The following DNAJC5 variants were observed in gnomAD, a reference collection of about 807,000 sequenced individuals.
DNAJC5 encodes the protein DnaJ heat shock protein family (Hsp40) member C5, also known as dnaJ homolog subfamily C member 5.
Under a neutral mutation model 23.2 loss-of-function variants are expected in DNAJC5, and 1 was observed. The ratio of observed to expected loss-of-function variants is 0.04; its 90% CI spans 0.02 to 0.20. DNAJC5 has a LOEUF of 0.20. DNAJC5 is among the 10% of genes least tolerant of loss of function. The pLI is 1.00. For missense variants in DNAJC5, 180 were observed against 267.0 expected (o/e 0.67, Z 2.27); for synonymous variants, 136 against 120.0 (o/e 1.13, Z -0.87).
chr20:63,914,942 T>G (rs1422288950), intron 1 of DNAJC5, among the ~76,000 whole-genome samples: 1 of 152,206 alleles, frequency 6.6e-6, no homozygotes, highest in Non-Finnish European at 1.5e-5. Context: ...GTAAAAGTTT[T>G]GGAAATGGCC....
At chr20:63,905,855 C>G (rs960951700) in intron 1 of DNAJC5, among the ~76,000 whole-genome samples, 1 of 152,058 alleles carries the variant, frequency 6.6e-6, no homozygotes, top group East Asian at 1.9e-4. Flanking sequence ...CTGCCTCAGC[C>G]TCCCGAGTAG....
In DNAJC5 at chr20:63,930,904, GTGCTGCTGCTTCAAC is replaced by G; in HGVS notation, c.385_399del (p.Phe129_Cys133del). 6.2e-7 allele frequency: 1 copy of G among 1,614,062 alleles called. No individual in the cohort carries two copies. Among genetic ancestry groups the G allele is most frequent in the African/African-American group, 1.3e-5 (1 of 75,072 alleles). ...CGTGCTGCTACTGCTGCTGCTGTCT[GTGCTGCTGCTTCAAC>G]TGCTGCTGCGGGAAGTGTAAGCCCA... On this transcript the variant is annotated inframe_deletion, in exon 4 of 5. Coordinates refer to ENST00000360864, the MANE Select transcript of DNAJC5 (RefSeq NM_025219.3).
chr20:63,918,558 T>C (rs1186628824), intron 1 of DNAJC5, among the ~76,000 whole-genome samples: 1 of 152,222 alleles, frequency 6.6e-6, no homozygotes, highest in Non-Finnish European at 1.5e-5. Flanking sequence ...AGAGACGGGA[T>C]CATGGTGTTT....
At chr20:63,896,762 TAGTA>T (rs745804824) in intron 1 of DNAJC5, among the ~76,000 whole-genome samples, 33 of 152,154 alleles carry the variant, frequency 2.2e-4, no homozygotes, top group Non-Finnish European at 3.7e-4. Context: ...TACTGTGAGT[TAGTA>T]AGGTCCGTGG....
rs553462142 is a variant in DNAJC5, at chr20:63,920,223, G to A, written c.-11-8112G>A. Among the ~76,000 whole-genome samples the A allele has an allele frequency of 6.6e-6, 1 of 152,378 alleles. No homozygotes were observed. The highest frequency in any genetic ancestry group is 2.4e-5 in the African/African-American group (1 of 41,588). Reference sequence around the variant, plus strand: ...GCAGGCTCAGGGCTCTGGGGTCTGAGTGAGGGCTCTCCAGCCAGCAGGGAG... The same window carrying A: ...GCAGGCTCAGGGCTCTGGGGTCTGAATGAGGGCTCTCCAGCCAGCAGGGAG... On this transcript the variant is annotated intron_variant, in intron 1 of 4. Coordinates refer to ENST00000360864, the MANE Select transcript of DNAJC5 (RefSeq NM_025219.3). This position sits in a 1 kb window ranked among gnomAD's most constrained non-coding sequence, Gnocchi z 4.6.
At chr20:63,913,128 C>T (rs1465787684) in intron 1 of DNAJC5, among the ~76,000 whole-genome samples, 1 of 152,176 alleles carries the variant, frequency 6.6e-6, no homozygotes, top group Non-Finnish European at 1.5e-5. Context: ...CTGGTGCCTT[C>T]TTTGCAGTTC....
Position 63,929,106 on chromosome 20 carries a change from G to C in DNAJC5, c.108-206G>C, listed in dbSNP as rs1336192419. Reference sequence around the variant, plus strand: ...TTGGGGCTCCCTCCTCTGAGGCTGGGTCAGGGTGAGGAGGTTTACCTGAAA... The same window carrying C: ...TTGGGGCTCCCTCCTCTGAGGCTGGCTCAGGGTGAGGAGGTTTACCTGAAA... On this transcript the variant is annotated intron_variant, in intron 2 of 4. Coordinates refer to ENST00000360864, the MANE Select transcript of DNAJC5 (RefSeq NM_025219.3). The surrounding 1 kb of genome is among the most constrained non-coding windows in gnomAD (Gnocchi z 8.6). 6.6e-6 allele frequency among the ~76,000 whole-genome samples: 1 copy of C among 152,224 alleles called. No homozygotes were observed. Among genetic ancestry groups the C allele is most frequent in the Non-Finnish European group, 1.5e-5 (1 of 68,036 alleles).
At chr20:63,896,887 C>G (rs991626741) in intron 1 of DNAJC5, among the ~76,000 whole-genome samples, 4 of 152,070 alleles carry the variant, frequency 2.6e-5, no homozygotes, top group African/African-American at 9.7e-5. Flanking sequence ...TGGTGCTGGC[C>G]TTGTCACCCG....
intron 1 of DNAJC5, among the ~76,000 whole-genome samples, chr20:63,927,544 C>CCA (rs2053626893): frequency 6.7e-6 from 1 of 149,494 alleles, no homozygotes; most frequent in South Asian, 2.1e-4. Context: ...GTCCCCCCCC[C>CCA]CAAAAAAGAA....
intron 3 of DNAJC5, 127 bp from the exon 4 acceptor site, chr20:63,930,724 C>G: frequency 6.9e-7 from 1 of 1,439,964 alleles, no homozygotes; most frequent in Non-Finnish European, 9.6e-7. Flanking sequence ...CTTCTGCTTC[C>G]TGTCTGGAAG....
At chr20:63,903,205 C>G (rs950335338) in intron 1 of DNAJC5, among the ~76,000 whole-genome samples, 1 of 152,190 alleles carries the variant, frequency 6.6e-6, no homozygotes, top group Non-Finnish European at 1.5e-5. Context: ...GGGCTCGATC[C>G]TCCTGCCTCA....
chr20:63,908,012 C>T (rs539250363), intron 1 of DNAJC5, among the ~76,000 whole-genome samples: 2 of 152,212 alleles, frequency 1.3e-5, no homozygotes, highest in Non-Finnish European at 1.5e-5. Context: ...GTGATCCCCC[C>T]ACCTTGGCCT....
At chr20:63,918,654 G>A (rs1250210691) in intron 1 of DNAJC5, among the ~76,000 whole-genome samples, 1 of 152,222 alleles carries the variant, frequency 6.6e-6, no homozygotes, top group Non-Finnish European at 1.5e-5. Context: ...GGAGTGCAGT[G>A]GCGCGATCTC....
rs1258513474 is a variant in DNAJC5 at position 63,920,638 on chromosome 20, A to C, written c.-11-7697A>C. Among the ~76,000 whole-genome samples, 6 of 152,232 alleles carry C rather than the reference A, an allele frequency of 3.9e-5. No homozygotes were observed. The highest frequency in any genetic ancestry group is 7.3e-5 in the Non-Finnish European group (5 of 68,040). On this transcript the variant is annotated intron_variant, in intron 1 of 4. Transcript: ENST00000360864. This position sits in a 1 kb window ranked among gnomAD's most constrained non-coding sequence, Gnocchi z 4.6. ...CGGACTGGGATACGCTGGATTTGTA[A>C]AACGTGACCCTTTTTGTTTGCTTTT...
chr20:63,921,137 T>C (rs895768045), intron 1 of DNAJC5, among the ~76,000 whole-genome samples: 1 of 152,042 alleles, frequency 6.6e-6, no homozygotes, highest in Non-Finnish European at 1.5e-5. Flanking sequence ...TTTTGCATTT[T>C]TAGTAGAGAT....
chr20:63,904,128 C>G (rs1451077976), intron 1 of DNAJC5, among the ~76,000 whole-genome samples: 1 of 152,092 alleles, frequency 6.6e-6, no homozygotes, highest in Non-Finnish European at 1.5e-5. Context: ...TGTTCTGGGA[C>G]AAGGTTGCCG....
chr20:63,930,300 C>G (rs1423250672), intron 3 of DNAJC5, among the ~76,000 whole-genome samples: 1 of 151,878 alleles, frequency 6.6e-6, no homozygotes, highest in Non-Finnish European at 1.5e-5. Context: ...CACTTCAGCT[C>G]CAGAACTGCA....
chr20:63,929,906 C>T lies in DNAJC5; in HGVS notation c.321+381C>T, dbSNP rs2053651812. Among the ~76,000 whole-genome samples, 1 of 152,198 alleles carries T rather than the reference C, an allele frequency of 6.6e-6. No homozygotes were observed. The highest frequency in any genetic ancestry group is 1.5e-5 in the Non-Finnish European group (1 of 68,036). On this transcript the variant is annotated intron_variant, in intron 3 of 4. Coordinates refer to ENST00000360864, the MANE Select transcript of DNAJC5 (RefSeq NM_025219.3). The surrounding 1 kb of genome is among the most constrained non-coding windows in gnomAD (Gnocchi z 8.6). ...GTGATGGGCGAAGCTCTGTCACTGG[C>T]TTGGTGTCCTGCCTGGAACAAGCCA...
intron 1 of DNAJC5, among the ~76,000 whole-genome samples, chr20:63,925,869 C>T (rs924453046): frequency 2.7e-5 from 4 of 147,636 alleles, no homozygotes; most frequent in Non-Finnish European, 5.9e-5. Flanking sequence ...GCTGTGTCGC[C>T]CAGGCTGGAG....
Sources: gnomAD v4.1 joint callset for allele counts (sites outside exome capture counted in the v4.1 genomes callset) on GRCh38, gnomAD v4.1.1 for gene constraint, Gnocchi (gnomAD v3.1) non-coding constraint, MANE v1.5 for transcripts, NCBI Gene and HGNC (gene_info 2026-07-23, HGNC 2026-07-21) for gene names.